The following SHOX variants were observed in gnomAD, a reference collection of about 807,000 sequenced individuals.
SHOX encodes the protein SHOX homeobox.
A neutral mutation model predicts 29.6 loss-of-function variants in SHOX; 12 were observed. The ratio of observed to expected loss-of-function variants is 0.41; its 90% CI spans 0.26 to 0.66. SHOX has a LOEUF of 0.66. Among genes scored for constraint, SHOX ranks in the 30% least tolerant of loss-of-function variants. The pLI is 0.35. For missense variants in SHOX, 499 were observed against 437.7 expected, an observed-to-expected ratio of 1.14 and a Z score of -1.25; for synonymous variants, 214 against 200.6, an observed-to-expected ratio of 1.07 and a Z score of -0.57.
chrX:626,295 C>G (rs2052531395), upstream of SHOX, among the ~76,000 whole-genome samples: 2 of 144,900 alleles, frequency 1.4e-5, no homozygotes, highest in African/African-American at 5.2e-5. Context: ...GTGTCTCTAC[C>G]TCTGTCTCTC....
chrX:635,854 G>T (rs896133272), intron 2 of SHOX, among the ~76,000 whole-genome samples: 2 of 60,222 alleles, frequency 3.3e-5, no homozygotes, highest in Non-Finnish European at 3.4e-5. Flanking sequence ...GAAGTGGGGG[G>T]AGGGAGAGAG....
At chrX:642,305 G>T (rs909483717) in intron 4 of SHOX, among the ~76,000 whole-genome samples, 2 of 152,168 alleles carry the variant, frequency 1.3e-5, no homozygotes, top group African/African-American at 2.4e-5. Flanking sequence ...GGGCTTGGGG[G>T]GGGGGCTCTG....
intron 2 of SHOX, among the ~76,000 whole-genome samples, chrX:637,848 T>G (rs2052784209): frequency 6.6e-6 from 1 of 152,224 alleles, no homozygotes; most frequent in African/African-American, 2.4e-5. Context: ...GGAAATTTGC[T>G]GTAAATAAAT....
intron 1 of SHOX, chrX:624,701 T>TTTTCTTTCTTTCTTTCTTTCGTTC (rs2052472163): frequency 9.5e-6 from 1 of 105,372 alleles, no homozygotes; most frequent in South Asian, 3.8e-4. Context: ...TTCCTCTTTC[T>TTTTCTTTCTTTCTTTCTTTCGTTC]TTTCTTTCTT....
Position 644,412 on chromosome X carries a change from G to A in SHOX, c.655G>A (p.Glu219Lys). The change falls in exon 5 of 5, where the codon GAA becomes AAA. Residue 219 changes from glutamate to lysine, a missense_variant. Coordinates refer to ENST00000686671, the MANE Select transcript of SHOX (RefSeq NM_000451.4). ...GCAGGTCCAGGCTCAGCTGCAGCTG[G>A]AAGGCGTGGCCCACGCGCACCCGCA... ...FQQVQAQLQLEGVAHAHPHLH... is the reference protein window; with the variant it reads ...FQQVQAQLQLKGVAHAHPHLH... The A allele has an allele frequency of 6.6e-7, 1 of 1,522,374 alleles. No individual in the cohort carries two copies. Among genetic ancestry groups the A allele is most frequent in the East Asian group, 2.6e-5 (1 of 38,976 alleles). 94.3% of individuals were successfully genotyped at this position (1,522,374 alleles called of 1,614,324 possible).
At chrX:627,080 C>G (rs1262611788), upstream of SHOX, among the ~76,000 whole-genome samples, 1 of 152,064 alleles carries the variant, frequency 6.6e-6, no homozygotes, top group African/African-American at 2.4e-5. Flanking sequence ...CTTTTTCTCT[C>G]TCTCCCTGTC....
At position 650,622 on chromosome X, in the gene SHOX, G is replaced by A. The variant is rs1399398867; in HGVS notation, c.*5986G>A. 2.0e-5 allele frequency among the ~76,000 whole-genome samples: 3 copies of A among 151,514 alleles called. No homozygotes were observed. Among genetic ancestry groups the A allele is most frequent in the African/African-American group, 4.8e-5 (2 of 41,266 alleles). ...TGTTTTCCCCTAAGAACAAGCAGAA[G>A]CCTCCAGCTCCCTTTAGCTCCACAG... is the stretch of plus-strand genomic sequence containing the variant. On this transcript the variant is annotated 3_prime_UTR_variant, in exon 5 of 5. Coordinates refer to ENST00000686671, the MANE Select transcript of SHOX (RefSeq NM_000451.4).
rs1341043286 is a variant in SHOX at position 634,786 on chromosome X, A to C, written c.446A>C (p.Glu149Ala). ...TACCCCGACGCCTTCATGCGCGAGG[A>C]GCTCAGCCAGCGCCTGGGGCTCTCC... ...THYPDAFMRE[E>A]LSQRLGLSEA... Residue 149 changes from glutamate to alanine, a missense_variant, in exon 2 of 5, where the codon GAG (glutamate) becomes GCG (alanine). Glu to Ala is a moderately radical substitution (Grantham distance 107, BLOSUM62 -1). Coordinates refer to ENST00000686671, the MANE Select transcript of SHOX (RefSeq NM_000451.4). 1.9e-6 allele frequency: 3 copies of C among 1,598,034 alleles called. No homozygotes were observed. The African/African-American group carries it at 4.0e-5, about 21-fold the overall frequency.
rs754221292 is a variant in SHOX, at chrX:641,161, G to A, written c.633+74G>A. 2.2e-4 allele frequency: 301 copies of A among 1,374,344 alleles called. 4 individuals are homozygous for A. The highest frequency in any genetic ancestry group is 2.0e-3 in the South Asian group (174 of 85,714). 85.1% of individuals were successfully genotyped at this position (1,374,344 alleles called of 1,614,324 possible). A position where few individuals can be genotyped will look rare whatever the true frequency, so the allele number is the denominator to read the frequency against. ...CTTCCCCTTTCCCCTATTTGCTGCC[G>A]CATCCTGACACTCCTAGTCCCTCCC... On this transcript the variant is annotated intron_variant, in intron 4 of 4. Coordinates refer to ENST00000686671, the MANE Select transcript of SHOX (RefSeq NM_000451.4).
At position 644,847 on chromosome X, in the gene SHOX, C is replaced by A. The variant is rs1314533260; in HGVS notation, c.*211C>A. On this transcript the variant is annotated 3_prime_UTR_variant, in exon 5 of 5. Coordinates refer to ENST00000686671, the MANE Select transcript of SHOX (RefSeq NM_000451.4). ...ACCCTCGCGGAGATGGTGCAGAAGG[C>A]GGAGCGGGTGAGCGGCCGTGCGTCC... 6 of 636,102 alleles carry A rather than the reference C, an allele frequency of 9.4e-6. No homozygotes were observed. The highest frequency in any genetic ancestry group is 1.9e-5 in the African/African-American group (1 of 51,408). 39.4% of individuals were successfully genotyped at this position (636,102 alleles called of 1,614,324 possible).
intron 3 of SHOX, 30 bp downstream of exon 3, chrX:640,908 C>T (rs757968585): frequency 1.2e-6 from 2 of 1,613,780 alleles, no homozygotes; most frequent in Non-Finnish European, 1.7e-6. Flanking sequence ...GGACCTGAAG[C>T]TGGGGGATCC....
chrX:650,537 A>G lies in SHOX; in HGVS notation c.*5901A>G, dbSNP rs1472250123. Among the ~76,000 whole-genome samples, 1 of 151,986 alleles carries G rather than the reference A, an allele frequency of 6.6e-6. No individual in the cohort carries two copies. The highest frequency in any genetic ancestry group is 1.5e-5 in the Non-Finnish European group (1 of 67,996). ...GGTGCCAAGCTCTGGTCAGGATGAA[A>G]GGGAAATACCAGAGTCCTCTGTCCT... On this transcript the variant is annotated 3_prime_UTR_variant, in exon 5 of 5. Coordinates refer to ENST00000686671, the MANE Select transcript of SHOX (RefSeq NM_000451.4).
intron 2 of SHOX, among the ~76,000 whole-genome samples, chrX:638,102 G>C (rs1304538918): frequency 6.6e-6 from 1 of 152,156 alleles, no homozygotes; most frequent in East Asian, 1.9e-4. Context: ...AAAGAAAGCG[G>C]GGAGTGCTCT....
intron 5 of SHOX, among the ~76,000 whole-genome samples, chrX:657,280 G>A (rs1228217274): frequency 1.3e-5 from 2 of 152,214 alleles, no homozygotes; most frequent in African/African-American, 2.4e-5. Context: ...CCATTCAGAA[G>A]AACACATCCC....
chrX:627,687 G>A (rs2052562846), upstream of SHOX, among the ~76,000 whole-genome samples: 1 of 152,160 alleles, frequency 6.6e-6, no homozygotes. Flanking sequence ...GCTCCTGACT[G>A]GTGTCCCCAT....
At chrX:634,216 C>A (rs760722295) in intron 1 of SHOX, among the ~76,000 whole-genome samples, 2 of 152,222 alleles carry the variant, frequency 1.3e-5, no homozygotes, top group Non-Finnish European at 2.9e-5. Context: ...CTGCAACCCG[C>A]CCCGGGTCCT....
rs28433123 is a variant in SHOX, at chrX:634,968, G to C, written c.486+142G>C. Reference sequence around the variant, plus strand: ...GGGAGGTTGGGTGAGGGACGGGCTGGGGTTCCTGGACTTTTGGAGACGCCT... The same window carrying C: ...GGGAGGTTGGGTGAGGGACGGGCTGCGGTTCCTGGACTTTTGGAGACGCCT... On this transcript the variant is annotated intron_variant, in intron 2 of 4. Coordinates refer to ENST00000686671, the MANE Select transcript of SHOX (RefSeq NM_000451.4). 443,660 of 833,202 alleles carry C rather than the reference G, an allele frequency of 0.53. 124,089 individuals are homozygous for C. The highest frequency in any genetic ancestry group is 0.58 in the Non-Finnish European group (319,704 of 546,780). 51.6% of individuals were successfully genotyped at this position (833,202 alleles called of 1,614,324 possible). A position where few individuals can be genotyped will look rare whatever the true frequency, so the allele number is the denominator to read the frequency against.
At position 650,814 on chromosome X, in the gene SHOX, A is replaced by AC. The variant is rs2053048966; in HGVS notation, c.*6178_*6179insC. Reference sequence around the variant, plus strand: ...CATTAAAAAAAAAAAAAAAAAAAAAAAAAAACTGGTGCCTAATTTATTAAA... The same window carrying AC: ...CATTAAAAAAAAAAAAAAAAAAAAAACAAAAACTGGTGCCTAATTTATTAAA... On this transcript the variant is annotated 3_prime_UTR_variant, in exon 5 of 5. Transcript: ENST00000686671. 6.6e-6 allele frequency among the ~76,000 whole-genome samples: 1 copy of AC among 150,868 alleles called. No individual in the cohort carries two copies. The highest frequency in any genetic ancestry group is 1.5e-5 in the Non-Finnish European group (1 of 67,752).
chrX:636,954 A>G (rs1055063766), intron 2 of SHOX, among the ~76,000 whole-genome samples: 2 of 142,264 alleles, frequency 1.4e-5, no homozygotes, highest in African/African-American at 5.3e-5. Flanking sequence ...AAAAATATAT[A>G]TATATATATA....
Sources: allele counts gnomAD v4.1 joint callset (sites outside exome capture counted in the v4.1 genomes callset), GRCh38; gene constraint gnomAD v4.1.1; transcripts MANE v1.5; gene names NCBI Gene and HGNC (gene_info 2026-07-23, HGNC 2026-07-21).